LRRC61: variants seen among roughly 807,000 people sequenced by gnomAD.
LRRC61 encodes leucine rich repeat containing 61.
A neutral mutation model predicts 15.1 loss-of-function variants in LRRC61; 9 were observed. That is an observed-to-expected ratio of 0.60 (90% CI 0.36 to 1.04). LRRC61 has a LOEUF of 1.04. Ranked by LOEUF, LRRC61 falls within the 50% of genes least tolerant of loss-of-function variation. The pLI is 0.01. For missense variants in LRRC61, 344 were observed against 335.6 expected (o/e 1.03, Z -0.20); for synonymous variants, 173 against 158.6 (o/e 1.09, Z -0.68).
intron 2 of LRRC61, among the ~76,000 whole-genome samples, chr7:150,332,968 G>T (rs1470304371): frequency 6.6e-6 from 1 of 152,216 alleles, no homozygotes; most frequent in African/African-American, 2.4e-5. Flanking sequence ...TGACTCACAT[G>T]TCGGGGCGGG....
At chr7:150,311,737 C>G in the LRRC61 span, among the ~76,000 whole-genome samples, 2 of 152,220 alleles carry the variant, frequency 1.3e-5, no homozygotes, top group Non-Finnish European at 2.9e-5. Context: ...AGCCAAATCT[C>G]GCCAGCTAAA....
rs115336074 is a variant in LRRC61 at position 150,335,693 on chromosome 7, G to A, written c.-144-1025G>A. 5.0e-3 allele frequency among the ~76,000 whole-genome samples: 769 copies of A among 152,324 alleles called. 8 individuals carry two copies. Among genetic ancestry groups the A allele is most frequent in the African/African-American group, 0.018 (731 of 41,566 alleles). On this transcript the variant is annotated intron_variant, in intron 2 of 2. Coordinates refer to ENST00000359623, the MANE Select transcript of LRRC61 (RefSeq NM_001142928.2). The surrounding 1 kb of genome is among the most constrained non-coding windows in gnomAD (Gnocchi z 4.3). ...CCCCGCCGGCCTGGGTGAGACTCCTGGGTCTGGGCCTGGCCAAAGTCTGCC... is the reference window on the plus strand; with the variant it reads ...CCCCGCCGGCCTGGGTGAGACTCCTAGGTCTGGGCCTGGCCAAAGTCTGCC...
intron 2 of LRRC61, chr7:150,331,339 C>A: frequency 1.9e-6 from 1 of 517,124 alleles, no homozygotes; most frequent in South Asian, 3.4e-5. Context: ...CGGTGCTCAC[C>A]CTGCCCGTGA....
chr7:150,323,335 G>GC (rs952117959), upstream of LRRC61: 2 of 273,822 alleles, frequency 7.3e-6, no homozygotes, highest in Non-Finnish European at 7.2e-6. Context: ...CTTTGGCCAG[G>GC]CCCCCTGGGC....
the LRRC61 span, among the ~76,000 whole-genome samples, chr7:150,318,121 G>C: frequency 1.3e-5 from 2 of 152,312 alleles, no homozygotes; most frequent in East Asian, 1.9e-4. Flanking sequence ...GAGAAGAATA[G>C]AGTGAGGCTA....
chr7:150,330,919 G>T lies in LRRC61; in HGVS notation c.-145+4909G>T. On this transcript the variant is annotated intron_variant, in intron 2 of 2. Transcript: ENST00000359623. The surrounding 1 kb of genome is among the most constrained non-coding windows in gnomAD (Gnocchi z 4.6). ...CAGAGGGAGAAGGGCTTGCTGGAGA[G>T]CATGGGGCTGCTGGCCTCTGAGAGA... is the stretch of plus-strand genomic sequence containing the variant. 6.2e-7 allele frequency: 1 copy of T among 1,612,896 alleles called. No individual in the cohort carries two copies.
chr7:150,335,662 G>GC lies in LRRC61; in HGVS notation c.-144-1055dup, dbSNP rs1163215159. On this transcript the variant is annotated intron_variant, in intron 2 of 2. Coordinates refer to ENST00000359623, the MANE Select transcript of LRRC61 (RefSeq NM_001142928.2). The surrounding 1 kb of genome is among the most constrained non-coding windows in gnomAD (Gnocchi z 4.3). Reference sequence around the variant, plus strand: ...ACCCTGCATCAGATCTGCAGGGCAGGCATCACCCCGCCGGCCTGGGTGAGA... The same window carrying GC: ...ACCCTGCATCAGATCTGCAGGGCAGGCCATCACCCCGCCGGCCTGGGTGAGA... 4.6e-5 allele frequency among the ~76,000 whole-genome samples: 7 copies of GC among 152,328 alleles called. No homozygotes were observed. The highest frequency in any genetic ancestry group is 1.7e-4 in the African/African-American group (7 of 41,572).
the LRRC61 span, among the ~76,000 whole-genome samples, chr7:150,310,153 C>G: frequency 6.0e-4 from 91 of 152,288 alleles, no homozygotes; most frequent in Middle Eastern, 0.01. Context: ...CTGGTTATTC[C>G]TGGGCTACAG....
Position 150,338,134 on chromosome 7 carries a change from A to T in LRRC61, c.*493A>T. ...GCCCGTTCTTGTCCACACATCTATT[A>T]AATGCTTCTGTTTTCATTTGCATCC... On this transcript the variant is annotated 3_prime_UTR_variant, in exon 3 of 3. Coordinates refer to ENST00000359623, the MANE Select transcript of LRRC61 (RefSeq NM_001142928.2). 1.4e-6 allele frequency: 1 copy of T among 705,136 alleles called. No homozygotes were observed. The highest frequency in any genetic ancestry group is 2.1e-6 in the Non-Finnish European group (1 of 477,230). 43.7% of individuals were successfully genotyped at this position (705,136 alleles called of 1,614,324 possible). A position where few individuals can be genotyped will look rare whatever the true frequency, so the allele number is the denominator to read the frequency against.
At chr7:150,313,628 T>C in the LRRC61 span, among the ~76,000 whole-genome samples, 1 of 152,204 alleles carries the variant, frequency 6.6e-6, no homozygotes. Flanking sequence ...CTTCCCATCA[T>C]GGTCTGAACC....
rs1290699347 is a variant in LRRC61, at chr7:150,335,114, C to T, written c.-144-1604C>T. Among the ~76,000 whole-genome samples the T allele has an allele frequency of 6.6e-6, 1 of 151,830 alleles. No individual in the cohort carries two copies. Among genetic ancestry groups the T allele is most frequent in the Non-Finnish European group, 1.5e-5 (1 of 67,988 alleles). ...TCCCCAGTCGTCCTAGGCTCTTTTTCCTCCTCCCCATTGCTTCCTGCCCTC... is the reference window on the plus strand; with the variant it reads ...TCCCCAGTCGTCCTAGGCTCTTTTTTCTCCTCCCCATTGCTTCCTGCCCTC... On this transcript the variant is annotated intron_variant, in intron 2 of 2. Coordinates refer to ENST00000359623, the MANE Select transcript of LRRC61 (RefSeq NM_001142928.2). The surrounding 1 kb of genome is among the most constrained non-coding windows in gnomAD (Gnocchi z 4.3).
upstream of LRRC61, among the ~76,000 whole-genome samples, chr7:150,319,598 G>A (rs1008568164): frequency 1.3e-5 from 2 of 152,240 alleles, no homozygotes; most frequent in African/African-American, 2.4e-5. Context: ...GGCAAATTCA[G>A]GTGCCTTTGA....
chr7:150,334,346 C>T (rs1798215151), intron 2 of LRRC61, among the ~76,000 whole-genome samples: 1 of 152,104 alleles, frequency 6.6e-6, no homozygotes, highest in African/African-American at 2.4e-5. Flanking sequence ...CCGTGTTCTC[C>T]TCCCTCTGGC....
At chr7:150,320,901 T>C (rs1797445919), upstream of LRRC61, among the ~76,000 whole-genome samples, 1 of 152,214 alleles carries the variant, frequency 6.6e-6, no homozygotes, top group African/African-American at 2.4e-5. Flanking sequence ...TTTAGGATAG[T>C]GTCACTCTAG....
Position 150,333,966 on chromosome 7 carries a change from CTGGTG to C in LRRC61, c.-144-2751_-144-2747del, listed in dbSNP as rs1413158263. On this transcript the variant is annotated intron_variant, in intron 2 of 2. Coordinates refer to ENST00000359623, the MANE Select transcript of LRRC61 (RefSeq NM_001142928.2). The surrounding 1 kb of genome is among the most constrained non-coding windows in gnomAD (Gnocchi z 4.3). ...CCATCACCAAGACCCAGGCCTGCATCTGGTGAGGGCAGGACGGGGCCACACTGGTG... is the reference window on the plus strand; with the variant it reads ...CCATCACCAAGACCCAGGCCTGCATCAGGGCAGGACGGGGCCACACTGGTG... The C allele has an allele frequency of 1.0e-6, 1 of 985,118 alleles. No homozygotes were observed. The highest frequency in any genetic ancestry group is 1.2e-6 in the Non-Finnish European group (1 of 829,888). The allele number at this position is 985,118 out of a possible 1,614,324, so 61.0% of individuals were successfully genotyped here.
rs1181126880 is a variant in LRRC61, at chr7:150,330,453, C to T, written c.-145+4443C>T. 1 of 777,778 alleles carries T rather than the reference C, an allele frequency of 1.3e-6. No individual in the cohort carries two copies. The highest frequency in any genetic ancestry group is 1.3e-5 in the South Asian group (1 of 74,612). 48.2% of individuals were successfully genotyped at this position (777,778 alleles called of 1,614,324 possible). On this transcript the variant is annotated intron_variant, in intron 2 of 2. Transcript: ENST00000359623. This position sits in a 1 kb window ranked among gnomAD's most constrained non-coding sequence, Gnocchi z 4.6. ...GGCACAGGCCTCTCTGAGCCAGGTG[C>T]TGCCCCAGCTGCGCTACCTGCACAT...
the LRRC61 span, among the ~76,000 whole-genome samples, chr7:150,314,505 C>A: frequency 0.022 from 3,382 of 152,112 alleles, 139 homozygotes; most frequent in African/African-American, 0.077. Context: ...TTGTGTATGT[C>A]ACTATTTATT....
chr7:150,319,283 C>T (rs1380600460), upstream of LRRC61, among the ~76,000 whole-genome samples: 1 of 151,802 alleles, frequency 6.6e-6, no homozygotes, highest in African/African-American at 2.4e-5. Flanking sequence ...GCTTGGCTCA[C>T]CACAAGCTCC....
At position 150,330,392 on chromosome 7, in the gene LRRC61, G is replaced by A. The variant is rs1024357208; in HGVS notation, c.-145+4382G>A. On this transcript the variant is annotated intron_variant, in intron 2 of 2. Coordinates refer to ENST00000359623, the MANE Select transcript of LRRC61 (RefSeq NM_001142928.2). The surrounding 1 kb of genome is among the most constrained non-coding windows in gnomAD (Gnocchi z 4.6). ...CGGCAGACAGCCTCAGCAAGCTCCT[G>A]TAGCCCTTCCAGATGGTGGTCCGCG... 3.9e-6 allele frequency: 3 copies of A among 766,846 alleles called. No homozygotes were observed. The highest frequency in any genetic ancestry group is 7.2e-6 in the Non-Finnish European group (3 of 417,952). The allele number at this position is 766,846 out of a possible 1,614,324, so 47.5% of individuals were successfully genotyped here.
Sources: allele counts gnomAD v4.1 joint callset (sites outside exome capture counted in the v4.1 genomes callset), GRCh38; gene constraint gnomAD v4.1.1; non-coding constraint Gnocchi (gnomAD v3.1); transcripts MANE v1.5; gene names NCBI Gene and HGNC (gene_info 2026-07-23, HGNC 2026-07-21).